Variants in UST observed in about 807,000 individuals in gnomAD.
UST encodes uronyl 2-sulfotransferase.
Under a neutral mutation model 45.6 loss-of-function variants are expected in UST, and 21 were observed. The ratio of observed to expected loss-of-function variants is 0.46; its 90% CI spans 0.33 to 0.66. The LOEUF (loss-of-function observed/expected upper bound fraction) is 0.66. Among genes scored for constraint, UST ranks in the 30% least tolerant of loss-of-function variants. The pLI, the probability that UST is intolerant of heterozygous loss-of-function variation, is 0.02. For synonymous variants in UST, 215 were observed against 200.6 expected (o/e 1.07, Z -0.61); for missense variants, 463 against 512.4 (o/e 0.90, Z 0.93).
In UST at chr6:149,019,165, C is replaced by A. The variant is rs761721806; in HGVS notation, c.708C>A (p.Asn236Lys). Residue 236 changes from asparagine to lysine, a missense_variant, in exon 6 of 8, where the codon AAC (asparagine) becomes AAA (lysine). Transcript: ENST00000367463. ...ATATCAATGAGTGTATTCTTGAAAA[C>A]TATCCCGAGTGCTCCAACCCCAGGT... ...YLDINECILENYPECSNPRLF... is the reference protein window; with the variant it reads ...YLDINECILEKYPECSNPRLF... 1 of 1,613,978 alleles carries A rather than the reference C, an allele frequency of 6.2e-7. No homozygotes were observed. Among genetic ancestry groups the A allele is most frequent in the Non-Finnish European group, 8.5e-7 (1 of 1,179,870 alleles).
At chr6:148,793,304 G>T (rs115959285) in intron 1 of UST, among the ~76,000 whole-genome samples, 2 of 151,998 alleles carry the variant, frequency 1.3e-5, no homozygotes, top group African/African-American at 2.4e-5. Context: ...AAAAATAAGG[G>T]TGATGTTTGT....
Position 148,865,713 on chromosome 6 carries a change from T to A in UST, c.248-21273T>A, listed in dbSNP as rs9373576. 1.7e-3 allele frequency among the ~76,000 whole-genome samples: 140 copies of A among 80,228 alleles called. 1 individual carries two copies. The highest frequency in any genetic ancestry group is 5.2e-3 in the African/African-American group (129 of 24,950). The allele number at this position is 80,228 out of a possible 152,430, so 52.6% of individuals were successfully genotyped here. A position where few individuals can be genotyped will look rare whatever the true frequency, so the allele number is the denominator to read the frequency against. The stretch of plus-strand genomic sequence containing the variant: ...GTGTGTGTGTGTGTGTGTGTGTGTG[T>A]GAATTCAGAGAAGAGGCAAATTAAT... On this transcript the variant is annotated intron_variant, in intron 1 of 7. Transcript: ENST00000367463.
intron 1 of UST, among the ~76,000 whole-genome samples, chr6:148,769,814 C>A (rs1045685714): frequency 6.6e-6 from 1 of 150,876 alleles, no homozygotes; most frequent in Non-Finnish European, 1.5e-5. Flanking sequence ...AAAATTCTGC[C>A]GCTAGGCATT....
intron 3 of UST, among the ~76,000 whole-genome samples, chr6:148,945,473 T>C (rs966037956): frequency 1.3e-5 from 2 of 152,178 alleles, no homozygotes; most frequent in Non-Finnish European, 2.9e-5. Context: ...ACTTTTTCTT[T>C]AATGAAGTGT....
rs138863123 is a variant in UST, at chr6:148,908,826, T to G, written c.291+21797T>G. Among the ~76,000 whole-genome samples the G allele has an allele frequency of 2.4e-3, 363 of 152,286 alleles. 2 individuals carry two copies. The highest frequency in any genetic ancestry group is 7.2e-3 in the African/African-American group (301 of 41,572). Reference sequence around the variant, plus strand: ...GATTAGTTCAAAAAGAACAAAATATTTTTACAGCATAACAAAAGGCTGTTG... The same window carrying G: ...GATTAGTTCAAAAAGAACAAAATATGTTTACAGCATAACAAAAGGCTGTTG... On this transcript the variant is annotated intron_variant, in intron 2 of 7. Coordinates refer to ENST00000367463, the MANE Select transcript of UST (RefSeq NM_005715.3).
intron 2 of UST, among the ~76,000 whole-genome samples, chr6:148,931,563 T>A (rs9377179): frequency 0.34 from 51,511 of 152,100 alleles, 8,839 homozygotes; most frequent in South Asian, 0.45. Context: ...AAACTAGAAC[T>A]AATTTGAGAA....
intron 1 of UST, among the ~76,000 whole-genome samples, chr6:148,782,296 T>G (rs1157251415): frequency 6.6e-6 from 1 of 152,140 alleles, no homozygotes. Flanking sequence ...TTGGAAGAAG[T>G]TGGGATGACA....
At chr6:148,846,039 C>A (rs558082432) in intron 1 of UST, among the ~76,000 whole-genome samples, 4 of 144,200 alleles carry the variant, frequency 2.8e-5, no homozygotes, top group African/African-American at 7.4e-5. Context: ...GTCAGTGTGG[C>A]GATTCCTCAG....
At chr6:149,034,297 G>A (rs562913586) in intron 7 of UST, among the ~76,000 whole-genome samples, 13 of 152,136 alleles carry the variant, frequency 8.5e-5, no homozygotes, top group East Asian at 1.9e-4. Flanking sequence ...CAAAATTTTC[G>A]TATGTGCCAT....
chr6:148,942,362 C>G (rs1780143876), intron 3 of UST, among the ~76,000 whole-genome samples: 1 of 152,152 alleles, frequency 6.6e-6, no homozygotes, highest in East Asian at 1.9e-4. Flanking sequence ...TTGAGACTAT[C>G]CTGGCCAACA....
At chr6:148,847,260 A>G in intron 1 of UST, among the ~76,000 whole-genome samples, 1 of 152,198 alleles carries the variant, frequency 6.6e-6, no homozygotes, top group East Asian at 1.9e-4. Context: ...CTGCTTCACA[A>G]GGCTACAGTC....
intron 7 of UST, among the ~76,000 whole-genome samples, chr6:149,062,874 A>C (rs1027179347): frequency 6.6e-6 from 1 of 152,248 alleles, no homozygotes; most frequent in African/African-American, 2.4e-5. Flanking sequence ...GTGAAAGCGC[A>C]TTAATCCACA....
chr6:148,901,489 A>C (rs957882149), intron 2 of UST, among the ~76,000 whole-genome samples: 17 of 151,976 alleles, frequency 1.1e-4, no homozygotes, highest in Non-Finnish European at 2.2e-4. Flanking sequence ...GGCACAGAGC[A>C]GAGAGGAACT....
intron 1 of UST, among the ~76,000 whole-genome samples, chr6:148,817,655 G>A (rs556561588): frequency 6.6e-6 from 1 of 152,334 alleles, no homozygotes; most frequent in South Asian, 2.1e-4. Flanking sequence ...AAATGTCTGG[G>A]TTAAGATAAA....
intron 1 of UST, among the ~76,000 whole-genome samples, chr6:148,872,770 C>G (rs1305131510): frequency 1.3e-5 from 2 of 152,162 alleles, no homozygotes; most frequent in Non-Finnish European, 2.9e-5. Context: ...TGTCTGCACT[C>G]CCTGACTCGT....
intron 2 of UST, among the ~76,000 whole-genome samples, chr6:148,889,550 C>G (rs1042430289): frequency 1.3e-5 from 2 of 152,142 alleles, no homozygotes; most frequent in African/African-American, 4.8e-5. Flanking sequence ...TAGCCCCCTG[C>G]CCTGTCATGA....
chr6:148,789,918 G>A (rs1776807257), intron 1 of UST, among the ~76,000 whole-genome samples: 1 of 151,128 alleles, frequency 6.6e-6, no homozygotes, highest in African/African-American at 2.4e-5. Context: ...TCATAATGAA[G>A]ACTCATAAAT....
chr6:148,787,731 T>G (rs1776759155), intron 1 of UST, among the ~76,000 whole-genome samples: 1 of 152,234 alleles, frequency 6.6e-6, no homozygotes, highest in Non-Finnish European at 1.5e-5. Context: ...GTGAAGAATG[T>G]CAATGGCAGT....
chr6:148,915,137 A>T (rs1779561958), intron 2 of UST, among the ~76,000 whole-genome samples: 1 of 152,166 alleles, frequency 6.6e-6, no homozygotes, highest in Admixed American at 6.5e-5. Flanking sequence ...TTATACTATC[A>T]CATTAGGGAT....
Sources: gnomAD v4.1 joint callset for allele counts (sites outside exome capture counted in the v4.1 genomes callset) on GRCh38, gnomAD v4.1.1 for gene constraint, MANE v1.5 for transcripts, NCBI Gene and HGNC (gene_info 2026-07-23, HGNC 2026-07-21) for gene names.